LRPPRC: variants seen among roughly 807,000 people sequenced by gnomAD.
LRPPRC encodes leucine-rich PPR motif-containing protein, mitochondrial.
A neutral mutation model predicts 180.3 loss-of-function variants in LRPPRC; 120 were observed. The observed-to-expected ratio is 0.67, with a 90% CI of 0.57 to 0.77. The LOEUF is 0.77. LRPPRC is among the 30% of genes least tolerant of loss of function. LRPPRC has a pLI of 0.00. For missense variants in LRPPRC, 2,012 were observed against 1,657.2 expected (o/e 1.21, Z -3.72); for synonymous variants, 723 against 600.0 (o/e 1.21, Z -3.00).
At chr2:43,988,236 C>CAAAAA (rs35197756) in intron 1 of LRPPRC, among the ~76,000 whole-genome samples, 13 of 95,728 alleles carry the variant, frequency 1.4e-4, no homozygotes, top group African/African-American at 3.3e-4. Context: ...GACTCTGTCT[C>CAAAAA]AAAAAAAAAA....
chr2:43,931,562 T>C (rs1437772678), intron 25 of LRPPRC, among the ~76,000 whole-genome samples: 3 of 152,314 alleles, frequency 2.0e-5, no homozygotes, highest in African/African-American at 7.2e-5. Context: ...CTACTCTAAG[T>C]GCAGACGCAC....
intron 25 of LRPPRC, among the ~76,000 whole-genome samples, chr2:43,930,266 C>T (rs748471007): frequency 2.6e-5 from 4 of 151,940 alleles, no homozygotes; most frequent in East Asian, 3.9e-4. Context: ...AGAGGAATTC[C>T]GGAGAAAGGG....
At chr2:43,957,554 A>C (rs941539773) in intron 13 of LRPPRC, 103 bp from the exon 14 acceptor site, 1 of 825,372 alleles carries the variant, frequency 1.2e-6, no homozygotes, top group African/African-American at 1.7e-5. Context: ...TTTAGTTTTC[A>C]TTTTGGAAAT....
At chr2:43,922,362 T>C (rs1289075390) in intron 27 of LRPPRC, among the ~76,000 whole-genome samples, 2 of 152,322 alleles carry the variant, frequency 1.3e-5, no homozygotes, top group East Asian at 3.9e-4. Flanking sequence ...TAAGTGTGTA[T>C]TAAGTATGTG....
At position 43,995,965 on chromosome 2, in the gene LRPPRC, A is replaced by T. The variant is rs1675047330; in HGVS notation, c.-18T>A. 3 of 1,524,020 alleles carry T rather than the reference A, an allele frequency of 2.0e-6. No homozygotes were observed. The highest frequency in any genetic ancestry group is 2.0e-5 in the Admixed American group (1 of 50,114). 94.4% of individuals were successfully genotyped at this position (1,524,020 alleles called of 1,614,324 possible). On this transcript the variant is annotated 5_prime_UTR_variant, in exon 1 of 38. Transcript: ENST00000260665. Reference sequence around the variant, plus strand: ...GCTGCCATTGCTCGAACGTCCCCGCAGCGGGAAGCACGCTCCGCCAGAAGG... The same window carrying T: ...GCTGCCATTGCTCGAACGTCCCCGCTGCGGGAAGCACGCTCCGCCAGAAGG...
At chr2:43,899,402 T>C (rs1010013545) in intron 33 of LRPPRC, 64 bp downstream of exon 33, 61 of 1,609,644 alleles carry the variant, frequency 3.8e-5, no homozygotes, top group Middle Eastern at 1.6e-4. Flanking sequence ...CCAAAGAAAT[T>C]TGGTCTAGTC....
rs1673121552 is a variant in LRPPRC, at chr2:43,956,497, G to GTA, written c.1649+887_1649+888insTA. On this transcript the variant is annotated intron_variant, in intron 14 of 37. Transcript: ENST00000260665. Reference sequence around the variant, plus strand: ...AAAAAACGTGTGTGTGTGTGTGTGTGTGTGTGTGTGTGTGTGTAGGTACTT... The same window carrying GTA: ...AAAAAACGTGTGTGTGTGTGTGTGTGTATGTGTGTGTGTGTGTGTAGGTACTT... Among the ~76,000 whole-genome samples the GTA allele has an allele frequency of 2.6e-5, 4 of 151,890 alleles. No homozygotes were observed. In the South Asian group the frequency reaches 8.3e-4, roughly 32 times the overall value.
At chr2:43,925,723 G>A (rs956356479) in intron 26 of LRPPRC, among the ~76,000 whole-genome samples, 170 bp downstream of exon 26, 3 of 152,074 alleles carry the variant, frequency 2.0e-5, no homozygotes, top group African/African-American at 7.2e-5. Context: ...GGTTTCTACT[G>A]CACCTCAGGA....
rs1670422358 is a variant in LRPPRC at position 43,889,851 on chromosome 2, A to G, written c.4011T>C (p.Ala1337=). ...SYVSEKDVTS[A]KALYEHLTAK... is the part of the protein sequence containing the mutation. The stretch of plus-strand genomic sequence containing the variant: ...CAGTCAAATGTTCATACAGTGCTTT[A>G]GCAGATGTGACATCTTTCTCTGAGA... The change falls in exon 37 of 38, where the codon GCT becomes GCC. Residue 1337 remains alanine, a synonymous_variant. Transcript: ENST00000260665. The G allele has an allele frequency of 1.2e-6, 2 of 1,609,370 alleles. No homozygotes were observed. The highest frequency in any genetic ancestry group is 1.7e-5 in the Admixed American group (1 of 60,022).
intron 1 of LRPPRC, among the ~76,000 whole-genome samples, chr2:43,992,346 C>A (rs1674818427): frequency 6.6e-6 from 1 of 152,176 alleles, no homozygotes; most frequent in South Asian, 2.1e-4. Flanking sequence ...ACGAGAGCCC[C>A]AGGCAATCAT....
Position 43,888,525 on chromosome 2 carries a change from C to T in LRPPRC, c.*75G>A, listed in dbSNP as rs1338083134. On this transcript the variant is annotated 3_prime_UTR_variant, in exon 38 of 38. Coordinates refer to ENST00000260665, the MANE Select transcript of LRPPRC (RefSeq NM_133259.4). ...TAAAGAAAATTTTCATTTATTTTTC[C>T]CTCAGATATACTTCAAAATAACATG... The T allele has an allele frequency of 1.1e-6, 1 of 939,694 alleles. No individual in the cohort carries two copies. Among genetic ancestry groups the T allele is most frequent in the East Asian group, 2.4e-5 (1 of 41,478 alleles). The allele number at this position is 939,694 out of a possible 1,614,324, so 58.2% of individuals were successfully genotyped here. A position where few individuals can be genotyped will look rare whatever the true frequency, so the allele number is the denominator to read the frequency against.
rs111479086 is a variant in LRPPRC, at chr2:43,954,688, AAC to A, written c.1649+2695_1649+2696del. Among the ~76,000 whole-genome samples, 116 of 152,340 alleles carry A rather than the reference AAC, an allele frequency of 7.6e-4. 1 individual carries two copies. Among genetic ancestry groups the A allele is most frequent in the African/African-American group, 2.6e-3 (107 of 41,566 alleles). The stretch of plus-strand genomic sequence containing the variant: ...ACACACATGTGCATGCATGTGCACA[AAC>A]ACATATACATATGGACATAATATGT... On this transcript the variant is annotated intron_variant, in intron 14 of 37. Coordinates refer to ENST00000260665, the MANE Select transcript of LRPPRC (RefSeq NM_133259.4).
intron 31 of LRPPRC, chr2:43,903,407 G>C (rs1017882435): frequency 1.3e-5 from 2 of 152,020 alleles, no homozygotes; most frequent in African/African-American, 4.8e-5. Context: ...GTTGAGAAAA[G>C]GAAACCTAAA....
Position 43,995,959 on chromosome 2 carries a change from C to T in LRPPRC, c.-12G>A, listed in dbSNP as rs755338807. The T allele has an allele frequency of 1.3e-5, 20 of 1,524,550 alleles. No individual in the cohort carries two copies. The highest frequency in any genetic ancestry group is 4.2e-5 in the African/African-American group (3 of 71,558). The allele number at this position is 1,524,550 out of a possible 1,614,324, so 94.4% of individuals were successfully genotyped here. On this transcript the variant is annotated 5_prime_UTR_variant, in exon 1 of 38. Transcript: ENST00000260665. Reference sequence around the variant, plus strand: ...AGCAGGGCTGCCATTGCTCGAACGTCCCCGCAGCGGGAAGCACGCTCCGCC... The same window carrying T: ...AGCAGGGCTGCCATTGCTCGAACGTTCCCGCAGCGGGAAGCACGCTCCGCC...
intron 36 of LRPPRC, among the ~76,000 whole-genome samples, chr2:43,893,885 CTTTA>C (rs1670586436): frequency 6.6e-6 from 1 of 152,226 alleles, no homozygotes; most frequent in Admixed American, 6.5e-5. Context: ...TGAAGCAATT[CTTTA>C]TTTACCCCAT....
intron 1 of LRPPRC, among the ~76,000 whole-genome samples, chr2:43,994,201 G>C (rs1032572983): frequency 6.6e-6 from 1 of 152,190 alleles, no homozygotes; most frequent in Non-Finnish European, 1.5e-5. Flanking sequence ...TGTGCTCAGA[G>C]GCATGATTTC....
intron 13 of LRPPRC, chr2:43,959,355 T>C: frequency 1.7e-6 from 1 of 597,142 alleles, no homozygotes; most frequent in Non-Finnish European, 3.0e-6. Flanking sequence ...CCTTACAATA[T>C]TACAACAAAT....
chr2:43,948,655 G>C, intron 16 of LRPPRC, 137 bp from the exon 17 acceptor site: 1 of 676,538 alleles, frequency 1.5e-6, no homozygotes. Flanking sequence ...AATGATCACT[G>C]AGGCATAGAG....
At chr2:43,907,194 C>T (rs1369868101) in intron 30 of LRPPRC, among the ~76,000 whole-genome samples, 1 of 152,132 alleles carries the variant, frequency 6.6e-6, no homozygotes, top group African/African-American at 2.4e-5. Flanking sequence ...CATTCTTTTT[C>T]AATAATCTCT....
Sources: gnomAD v4.1 joint callset for allele counts (sites outside exome capture counted in the v4.1 genomes callset) on GRCh38, gnomAD v4.1.1 for gene constraint, MANE v1.5 for transcripts, NCBI Gene and HGNC (gene_info 2026-07-23, HGNC 2026-07-21) for gene names.